The following DLEC1 variants were observed in gnomAD, a reference collection of about 807,000 sequenced individuals.
The protein encoded by DLEC1 is DLEC1 cilia and flagella associated protein.
DLEC1 carries 146 observed loss-of-function variants against 198.1 expected under a neutral mutation model. The observed-to-expected ratio is 0.74, with a 90% confidence interval of 0.64 to 0.85. The LOEUF is 0.85. DLEC1 is among the 40% of genes least tolerant of loss of function. DLEC1 has a pLI of 0.00. For missense variants in DLEC1, 2,233 were observed against 2,220.0 expected, an observed-to-expected ratio of 1.01 and a Z score of -0.12; for synonymous variants, 897 against 866.8, an observed-to-expected ratio of 1.03 and a Z score of -0.61.
chr3:38,070,981 G>A (rs906717913), intron 6 of DLEC1, among the ~76,000 whole-genome samples: 2 of 152,112 alleles, frequency 1.3e-5, no homozygotes, highest in African/African-American at 4.8e-5. Flanking sequence ...AAATAGTGTT[G>A]AAGTGTTGGG....
chr3:38,074,496 C>T (rs917508578), intron 6 of DLEC1, among the ~76,000 whole-genome samples: 1 of 152,198 alleles, frequency 6.6e-6, no homozygotes, highest in African/African-American at 2.4e-5. Flanking sequence ...GCTGGGTTTT[C>T]GTCTTTACCT....
intron 23 of DLEC1, among the ~76,000 whole-genome samples, chr3:38,111,364 A>T (rs1445246960): frequency 6.6e-6 from 1 of 152,254 alleles, no homozygotes; most frequent in Non-Finnish European, 1.5e-5. Flanking sequence ...GTTTGTGTCC[A>T]GGAGTAACCA....
chr3:38,110,329 G>A (rs368412628), intron 23 of DLEC1, 48 bp downstream of exon 23: 11 of 1,605,372 alleles, frequency 6.9e-6, no homozygotes, highest in Middle Eastern at 1.7e-4. Flanking sequence ...GCTGGATGGG[G>A]TGTACCCTGT....
In DLEC1 at chr3:38,123,356, A is replaced by G. The variant is rs1294327119; in HGVS notation, c.*944A>G. 1.5e-5 allele frequency: 8 copies of G among 537,466 alleles called. No homozygotes were observed. Among genetic ancestry groups the G allele is most frequent in the Non-Finnish European group, 2.7e-5 (8 of 299,220 alleles). 33.3% of individuals were successfully genotyped at this position (537,466 alleles called of 1,614,324 possible). On this transcript the variant is annotated 3_prime_UTR_variant, in exon 37 of 37. Transcript: ENST00000308059. ...AGGAAAACAGGGATCATGCCCCTAC[A>G]TCCTAAGTTCAGGGTGTTTCTGTGT...
At chr3:38,116,401 G>A (rs983189134) in intron 27 of DLEC1, 52 bp from the exon 28 acceptor site, 10 of 1,599,676 alleles carry the variant, frequency 6.3e-6, no homozygotes, top group African/African-American at 2.7e-5. Context: ...GGGCCCCGGG[G>A]GGTTGTCTGC....
chr3:38,062,138 A>AGT, intron 3 of DLEC1, 31 bp from the exon 4 acceptor site: 1 of 1,612,666 alleles, frequency 6.2e-7, no homozygotes, highest in East Asian at 2.2e-5. Context: ...ACCTTGTTGC[A>AGT]GTGATTCAGT....
rs765693928 is a variant in DLEC1 at position 38,110,200 on chromosome 3, G to A, written c.3362G>A (p.Arg1121His). The change falls in exon 23 of 37, where the codon CGC (arginine) becomes CAC (histidine). Residue 1121 changes from arginine (R) to histidine (H), a missense_variant. Physicochemically the swap from Arg to His is conservative, Grantham distance 29 (BLOSUM62 0). Coordinates refer to ENST00000308059, the MANE Select transcript of DLEC1 (RefSeq NM_007335.4). ...RVTRQLILTN[R>H]SPIRTRFSLK... ...ACTCGCCAGCTCATTCTCACCAATCGCTCCCCAATACGGACCCGTTTCTCC... is the reference window on the plus strand; with the variant it reads ...ACTCGCCAGCTCATTCTCACCAATCACTCCCCAATACGGACCCGTTTCTCC... The A allele has an allele frequency of 9.3e-6, 15 of 1,614,168 alleles. No homozygotes were observed. The highest frequency in any genetic ancestry group is 2.2e-5 in the East Asian group (1 of 44,888).
intron 23 of DLEC1, 132 bp downstream of exon 23, chr3:38,110,413 A>G (rs1044935128): frequency 1.3e-5 from 15 of 1,123,992 alleles, no homozygotes; most frequent in Non-Finnish European, 1.8e-5. Context: ...TTACAGGTAG[A>G]CATGGGGACA....
chr3:38,083,316 T>G, intron 6 of DLEC1, among the ~76,000 whole-genome samples: 2 of 148,732 alleles, frequency 1.3e-5, no homozygotes, highest in Admixed American at 6.7e-5. Context: ...TTATAAGATT[T>G]GGGTGGGTAA....
At chr3:38,085,201 T>C in intron 7 of DLEC1, 73 bp from the exon 8 acceptor site, 1 of 1,545,268 alleles carries the variant, frequency 6.5e-7, no homozygotes, top group Non-Finnish European at 8.9e-7. Context: ...GGCTGGGGTC[T>C]GTACCAGCTG....
chr3:38,040,755 C>CA (rs1700614965), intron 1 of DLEC1, among the ~76,000 whole-genome samples: 1 of 152,226 alleles, frequency 6.6e-6, no homozygotes, highest in Admixed American at 6.5e-5. Flanking sequence ...TCTATCTTCT[C>CA]AGTATCTGTC....
At chr3:38,085,668 CT>C (rs1698415413) in intron 8 of DLEC1, among the ~76,000 whole-genome samples, 2 of 152,130 alleles carry the variant, frequency 1.3e-5, no homozygotes, top group African/African-American at 4.8e-5. Context: ...TGGAGGTTGA[CT>C]CACAGCAGGG....
chr3:38,121,283 G>A (rs1700444192), intron 34 of DLEC1, among the ~76,000 whole-genome samples: 1 of 152,212 alleles, frequency 6.6e-6, no homozygotes. Flanking sequence ...ACAGACAAAT[G>A]GTCCACGGCT....
intron 10 of DLEC1, among the ~76,000 whole-genome samples, chr3:38,088,596 T>TGGG (rs1400121807): frequency 2.6e-5 from 4 of 152,172 alleles, no homozygotes; most frequent in African/African-American, 9.7e-5. Context: ...CAGATAGCCC[T>TGGG]AGCATCACAT....
chr3:38,112,366 G>T lies in DLEC1; in HGVS notation c.3666+5G>T. On this transcript the variant is annotated splice_donor_5th_base_variant and intron_variant, in intron 25 of 36. Coordinates refer to ENST00000308059, the MANE Select transcript of DLEC1 (RefSeq NM_007335.4). The surrounding 1 kb of genome is among the most constrained non-coding windows in gnomAD (Gnocchi z 4.8). The stretch of plus-strand genomic sequence containing the variant: ...TGGGACAACCTCATCTGCACGGTAA[G>T]GGTACACAAGAGGGCAGTGGCCTGG... The T allele has an allele frequency of 6.2e-7, 1 of 1,613,970 alleles. No individual in the cohort carries two copies. The highest frequency in any genetic ancestry group is 8.5e-7 in the Non-Finnish European group (1 of 1,179,904).
chr3:38,045,724 C>T (rs376697603), intron 2 of DLEC1, 31 bp downstream of exon 2: 36 of 1,578,402 alleles, frequency 2.3e-5, no homozygotes, highest in Non-Finnish European at 3.0e-5. Context: ...CATGCCTGCC[C>T]AATTCCCGGG....
In DLEC1 at chr3:38,116,809, C is replaced by A. The variant is rs1224212103; in HGVS notation, c.4099C>A (p.Gln1367Lys). ...CTCCAGTGCCAGCAATAGGGTGGCA[C>A]AGAAGCTCATCTCAGTCATCCTGCA... is the stretch of plus-strand genomic sequence containing the variant. ...GSSSASNRVA[Q>K]KLISVILQAH... Residue 1367 changes from glutamine to lysine, a missense_variant, in exon 29 of 37, where the codon CAG (glutamine) becomes AAG (lysine). Gln to Lys is a moderately conservative substitution (Grantham distance 53). Transcript: ENST00000308059. The A allele has an allele frequency of 1.9e-6, 3 of 1,613,828 alleles. No individual in the cohort carries two copies. The East Asian group carries it at 6.7e-5, about 36-fold the overall frequency.
chr3:38,084,009 C>A (rs77579651), intron 6 of DLEC1, 149 bp from the exon 7 acceptor site: 1 of 635,012 alleles, frequency 1.6e-6, no homozygotes. Flanking sequence ...CCATGTACCC[C>A]TCAGCCAGCT....
At chr3:38,051,125 T>C (rs1384829460) in intron 2 of DLEC1, among the ~76,000 whole-genome samples, 1 of 152,178 alleles carries the variant, frequency 6.6e-6, no homozygotes. Flanking sequence ...GGTCTTGAAC[T>C]CCTGGGCTCA....
Sources: gnomAD v4.1 joint callset for allele counts (sites outside exome capture counted in the v4.1 genomes callset) on GRCh38, gnomAD v4.1.1 for gene constraint, Gnocchi (gnomAD v3.1) non-coding constraint, MANE v1.5 for transcripts, NCBI Gene and HGNC (gene_info 2026-07-23, HGNC 2026-07-21) for gene names.